Variants in GMPS observed in about 807,000 individuals in gnomAD.
GMPS encodes the protein GMP synthase [glutamine-hydrolyzing].
A neutral mutation model predicts 77.9 loss-of-function variants in GMPS; 15 were observed. The ratio of observed to expected loss-of-function variants is 0.19; its 90% CI spans 0.13 to 0.30. The LOEUF is 0.30. Among genes scored for constraint, GMPS ranks in the 10% least tolerant of loss-of-function variants. GMPS has a pLI of 1.00. For synonymous variants in GMPS, 224 were observed against 275.9 expected, an observed-to-expected ratio of 0.81 and a Z score of 1.86; for missense variants, 590 against 838.8, an observed-to-expected ratio of 0.70 and a Z score of 3.66.
intron 5 of GMPS, among the ~76,000 whole-genome samples, chr3:155,908,838 G>A (rs1754960936): frequency 6.6e-6 from 1 of 152,178 alleles, no homozygotes; most frequent in Non-Finnish European, 1.5e-5. Flanking sequence ...CTGGACTTTA[G>A]AGGAGAAAAC....
chr3:155,921,615 A>G (rs1560050198), intron 10 of GMPS, among the ~76,000 whole-genome samples: 4 of 152,144 alleles, frequency 2.6e-5, no homozygotes, highest in Non-Finnish European at 4.4e-5. Context: ...TGAACAGCAT[A>G]GTGAAACCCC....
chr3:155,889,589 A>G (rs1358260880), intron 1 of GMPS, among the ~76,000 whole-genome samples: 1 of 152,066 alleles, frequency 6.6e-6, no homozygotes, highest in East Asian at 1.9e-4. Context: ...GTTTGTCACC[A>G]CCAACTTGTA....
At chr3:155,911,037 GAT>G (rs772155901) in intron 6 of GMPS, 75 bp from the exon 7 acceptor site, 934 of 1,259,132 alleles carry the variant, frequency 7.4e-4, no homozygotes, top group Non-Finnish European at 1.0e-3. Flanking sequence ...AGCACTTTTA[GAT>G]AAAGATTTAA....
Position 155,937,904 on chromosome 3 carries a change from C to T in GMPS, c.*212C>T. 1 of 492,742 alleles carries T rather than the reference C, an allele frequency of 2.0e-6. No homozygotes were observed. Among genetic ancestry groups the T allele is most frequent in the Non-Finnish European group, 3.6e-6 (1 of 279,802 alleles). The allele number at this position is 492,742 out of a possible 1,614,324, so 30.5% of individuals were successfully genotyped here. On this transcript the variant is annotated 3_prime_UTR_variant, in exon 16 of 16. Coordinates refer to ENST00000496455, the MANE Select transcript of GMPS (RefSeq NM_003875.3). ...CGGGTAAATAATCAAAGCACCATTGCCTACACTCAGACAGATTGATACTGC... is the reference window on the plus strand; with the variant it reads ...CGGGTAAATAATCAAAGCACCATTGTCTACACTCAGACAGATTGATACTGC...
chr3:155,885,049 A>C (rs1754304756), intron 1 of GMPS, among the ~76,000 whole-genome samples: 1 of 152,246 alleles, frequency 6.6e-6, no homozygotes, highest in Non-Finnish European at 1.5e-5. Context: ...TGGTTCAGTT[A>C]AGGAGGAAAA....
intron 5 of GMPS, among the ~76,000 whole-genome samples, chr3:155,910,124 T>TAA (rs1754999189): frequency 1.3e-5 from 2 of 151,960 alleles, no homozygotes; most frequent in East Asian, 1.9e-4. Context: ...CACACACCTG[T>TAA]TGTTCCAGCT....
chr3:155,869,492 A>G (rs1753853320), upstream of GMPS, among the ~76,000 whole-genome samples: 1 of 152,182 alleles, frequency 6.6e-6, no homozygotes, highest in African/African-American at 2.4e-5. Context: ...AAAAAAAGGT[A>G]AGCGAAATAC....
At chr3:155,878,848 A>G (rs1043678355) in intron 1 of GMPS, among the ~76,000 whole-genome samples, 1 of 151,004 alleles carries the variant, frequency 6.6e-6, no homozygotes, top group African/African-American at 2.4e-5. Flanking sequence ...TCGGGAGTCC[A>G]TGGTGTAATT....
chr3:155,915,014 C>T (rs558114413), intron 8 of GMPS, among the ~76,000 whole-genome samples: 16 of 152,004 alleles, frequency 1.1e-4, no homozygotes, highest in Admixed American at 4.6e-4. Flanking sequence ...ATGATCCGCC[C>T]GCCTCAGCCT....
intron 4 of GMPS, among the ~76,000 whole-genome samples, chr3:155,904,447 G>T (rs1309145895): frequency 2.6e-5 from 4 of 151,726 alleles, no homozygotes; most frequent in Admixed American, 2.6e-4. Flanking sequence ...GAACCACCAC[G>T]CCCGGCTAAT....
intron 11 of GMPS, among the ~76,000 whole-genome samples, chr3:155,923,165 C>T (rs1281818663): frequency 6.6e-6 from 1 of 151,788 alleles, no homozygotes; most frequent in Non-Finnish European, 1.5e-5. Flanking sequence ...TAAGAGACTA[C>T]TAAAAATAAC....
chr3:155,909,173 T>C (rs1034021846), intron 5 of GMPS, among the ~76,000 whole-genome samples: 1 of 152,228 alleles, frequency 6.6e-6, no homozygotes, highest in African/African-American at 2.4e-5. Context: ...TACAAGTTTC[T>C]TGATATCTCA....
chr3:155,901,737 G>A (rs892683313), intron 3 of GMPS, among the ~76,000 whole-genome samples: 5 of 151,470 alleles, frequency 3.3e-5, no homozygotes, highest in Non-Finnish European at 7.4e-5. Context: ...CCTTGTTATT[G>A]TAAGATTCAT....
chr3:155,911,961 G>T (rs1237054017), intron 7 of GMPS, among the ~76,000 whole-genome samples: 1 of 151,898 alleles, frequency 6.6e-6, no homozygotes, highest in Non-Finnish European at 1.5e-5. Flanking sequence ...AAAGCTTATT[G>T]TGGGAGAGGT....
At chr3:155,936,565 A>G (rs1755770560) in intron 15 of GMPS, 55 bp downstream of exon 15, 1 of 982,040 alleles carries the variant, frequency 1.0e-6, no homozygotes, top group Non-Finnish European at 1.6e-6. Context: ...ACATTTTATA[A>G]TATGGTGAAT....
Position 155,940,342 on chromosome 3 carries a change from A to T in GMPS, c.*2650A>T, listed in dbSNP as rs1030135813. The T allele has an allele frequency of 9.9e-6, 2 of 201,688 alleles. No individual in the cohort carries two copies. The highest frequency in any genetic ancestry group is 4.6e-5 in the African/African-American group (2 of 43,586). 12.5% of individuals were successfully genotyped at this position (201,688 alleles called of 1,614,324 possible). ...TAACAGCCTGGCATAATTCCTAAAT[A>T]CAAGTCTGTAGATATATCCAGGAGA... On this transcript the variant is annotated 3_prime_UTR_variant, in exon 16 of 16. Coordinates refer to ENST00000496455, the MANE Select transcript of GMPS (RefSeq NM_003875.3).
intron 3 of GMPS, among the ~76,000 whole-genome samples, chr3:155,901,975 A>G (rs1754747542): frequency 6.6e-6 from 1 of 152,198 alleles, no homozygotes. Flanking sequence ...TTTATTGGGC[A>G]GAATTTCCTT....
chr3:155,905,076 C>T (rs190889161), intron 4 of GMPS, among the ~76,000 whole-genome samples: 1 of 151,842 alleles, frequency 6.6e-6, no homozygotes, highest in East Asian at 1.9e-4. Flanking sequence ...GGCTGGAGTG[C>T]AGTGGCAAGA....
chr3:155,906,073 TG>T, intron 4 of GMPS, 86 bp from the exon 5 acceptor site: 1 of 686,740 alleles, frequency 1.5e-6, no homozygotes, highest in Non-Finnish European at 2.4e-6. Context: ...TAATCATGTA[TG>T]GCAAGCTTGT....
Sources: allele counts gnomAD v4.1 joint callset (sites outside exome capture counted in the v4.1 genomes callset), GRCh38; gene constraint gnomAD v4.1.1; transcripts MANE v1.5; gene names NCBI Gene and HGNC (gene_info 2026-07-23, HGNC 2026-07-21).